The following PKHD1L1 variants were observed in gnomAD, a reference collection of about 807,000 sequenced individuals.
PKHD1L1 encodes PKHD1 like 1, also known as fibrocystin-L.
Under a neutral mutation model 462.9 loss-of-function variants are expected in PKHD1L1, and 434 were observed. The ratio of observed to expected loss-of-function variants is 0.94; its 90% CI spans 0.87 to 1.02. The LOEUF (loss-of-function observed/expected upper bound fraction) is 1.02, where lower values mean the gene tolerates loss of function less well. Among genes scored for constraint, PKHD1L1 ranks in the 50% least tolerant of loss-of-function variants. The pLI is 0.00. For missense variants in PKHD1L1, 5,202 were observed against 5,096.1 expected, an observed-to-expected ratio of 1.02 and a Z score of -0.63; for synonymous variants, 1,781 against 1,750.0, an observed-to-expected ratio of 1.02 and a Z score of -0.44.
chr8:109,415,863 G>GT (rs1431673390), intron 21 of PKHD1L1, among the ~76,000 whole-genome samples: 27 of 64,052 alleles, frequency 4.2e-4, no homozygotes, highest in African/African-American at 1.2e-3. Context: ...AAAAAAAAAG[G>GT]GGTGTGTGTG....
intron 53 of PKHD1L1, 150 bp from the exon 54 acceptor site, chr8:109,479,401 T>G: frequency 1.7e-6 from 1 of 594,384 alleles, no homozygotes; most frequent in East Asian, 2.8e-5. Context: ...TAGCACCATG[T>G]GTCAAGGGTC....
intron 11 of PKHD1L1, 35 bp from the exon 12 acceptor site, chr8:109,398,424 C>A: frequency 7.9e-7 from 1 of 1,268,638 alleles, no homozygotes; most frequent in South Asian, 1.3e-5. Flanking sequence ...TCTGAAGTTT[C>A]AGTAGTAACG....
intron 23 of PKHD1L1, among the ~76,000 whole-genome samples, chr8:109,421,825 C>T (rs1244181937): frequency 6.6e-6 from 1 of 152,102 alleles, no homozygotes; most frequent in African/African-American, 2.4e-5. Context: ...GCTCTGTATT[C>T]TCAAAGCATC....
At chr8:109,443,502 G>T (rs1254400808) in intron 36 of PKHD1L1, among the ~76,000 whole-genome samples, 174 bp from the exon 37 acceptor site, 1 of 152,116 alleles carries the variant, frequency 6.6e-6, no homozygotes, top group African/African-American at 2.4e-5. Context: ...TGACATCTTT[G>T]ATCAGGTCTT....
Position 109,396,081 on chromosome 8 carries a change from C to T in PKHD1L1, c.866C>T (p.Thr289Ile), listed in dbSNP as rs772518504. 1.9e-5 allele frequency: 30 copies of T among 1,609,442 alleles called. No homozygotes were observed. The highest frequency in any genetic ancestry group is 5.0e-5 in the Admixed American group (3 of 59,602). ...QGSIRGGTTLTISGRFFDQTD... is the reference protein window; with the variant it reads ...QGSIRGGTTLIISGRFFDQTD... ...AGCATTCGAGGTGGCACCACGCTGA[C>T]AATAAGTGGGCGTTTCTTTGATCAG... Residue 289 changes from threonine to isoleucine, a missense_variant, in exon 11 of 78, where the codon ACA becomes ATA. Physicochemically the swap from Thr to Ile is moderately conservative, Grantham distance 89. Around this residue, in one of 3 missense-constraint regions of PKHD1L1, gnomAD observed 4,497 missense variants for 4,336.8 expected, o/e 1.04. Transcript: ENST00000378402.
In PKHD1L1 at chr8:109,365,995, A is replaced by C. The variant is rs867842816; in HGVS notation, c.163+1359A>C. On this transcript the variant is annotated intron_variant, in intron 2 of 77. Transcript: ENST00000378402. ...CTCAAAGAAGAAGAAGAAAAAAAGA[A>C]AACACCCAGCCATTTTCTTCTGTTT... Among the ~76,000 whole-genome samples the C allele has an allele frequency of 2.6e-5, 4 of 152,240 alleles. No individual in the cohort carries two copies. The South Asian group carries it at 8.3e-4, about 32-fold the overall frequency.
rs766668460 is a variant in PKHD1L1, at chr8:109,497,196, G to A, written c.10523G>A (p.Gly3508Glu). Residue 3508 changes from glycine to glutamate, a missense_variant, in exon 65 of 78, where the codon GGA becomes GAA. This residue lies in a region of PKHD1L1 where 4,497 missense variants were observed against 4,336.8 expected (regional missense o/e 1.04). Coordinates refer to ENST00000378402, the MANE Select transcript of PKHD1L1 (RefSeq NM_177531.6). ...HIYNVTLVDN[G>E]MAIFPMIYMP... Reference sequence around the variant, plus strand: ...TATAATGTGACCCTGGTTGACAATGGAATGGCCATTTTTCCAATGATTTAC... The same window carrying A: ...TATAATGTGACCCTGGTTGACAATGAAATGGCCATTTTTCCAATGATTTAC... 10 of 1,613,678 alleles carry A rather than the reference G, an allele frequency of 6.2e-6. No individual in the cohort carries two copies. In the South Asian group the frequency reaches 9.9e-5, roughly 16 times the overall value.
chr8:109,491,994 G>T lies in PKHD1L1; in HGVS notation c.10236G>T (p.Glu3412Asp). The T allele has an allele frequency of 6.6e-7, 1 of 1,515,294 alleles. No individual in the cohort carries two copies. Among genetic ancestry groups the T allele is most frequent in the East Asian group, 2.4e-5 (1 of 41,226 alleles). 93.9% of individuals were successfully genotyped at this position (1,515,294 alleles called of 1,614,324 possible). The change falls in exon 62 of 78, where the codon GAG (glutamate) becomes GAT (aspartate). Residue 3412 changes from glutamate (E) to aspartate (D), a missense_variant and splice_region_variant. Glu to Asp is a conservative substitution (Grantham distance 45). Transcript: ENST00000378402. ...LSSTLWHAAIEINRGTNTVLQ... is the reference protein window; with the variant it reads ...LSSTLWHAAIDINRGTNTVLQ... ...CAACTCTCTGGCATGCAGCAATTGA[G>T]GTAGTGAAAACAAACTTATAATTAT...
At chr8:109,378,434 A>C (rs1043939268) in intron 2 of PKHD1L1, among the ~76,000 whole-genome samples, 33 of 152,060 alleles carry the variant, frequency 2.2e-4, no homozygotes, top group African/African-American at 7.0e-4. Context: ...CTTCAACCAC[A>C]CTTGCTATTA....
In PKHD1L1 at chr8:109,401,553, A is replaced by C. The variant is rs1813275773; in HGVS notation, c.1338A>C (p.Gln446His). ...ACAGTTATTTTTCCAGTCCAACACA[A>C]AGATCAGATGATATTCATCTGCAGA... ...NANSYFSSPT[Q>H]RSDDIHLQKG... is the part of the protein sequence containing the mutation. Residue 446 changes from glutamine to histidine, a missense_variant, in exon 14 of 78, where the codon CAA (glutamine) becomes CAC (histidine). This residue lies in a region of PKHD1L1 where 4,497 missense variants were observed against 4,336.8 expected (regional missense o/e 1.04). Transcript: ENST00000378402. 1 of 1,591,552 alleles carries C rather than the reference A, an allele frequency of 6.3e-7. No homozygotes were observed. The highest frequency in any genetic ancestry group is 8.6e-7 in the Non-Finnish European group (1 of 1,161,256).
intron 28 of PKHD1L1, 33 bp downstream of exon 28, chr8:109,433,249 G>T (rs776237569): frequency 6.8e-7 from 1 of 1,476,362 alleles, no homozygotes; most frequent in Non-Finnish European, 9.4e-7. Flanking sequence ...AAGTCTAATT[G>T]TTCTTCTCTA....
chr8:109,403,578 T>C (rs1048994931), intron 14 of PKHD1L1, among the ~76,000 whole-genome samples: 2 of 152,170 alleles, frequency 1.3e-5, no homozygotes, highest in Non-Finnish European at 2.9e-5. Context: ...GGTTCTTCTT[T>C]GAATTCTGCT....
At chr8:109,501,791 G>C (rs1292903422) in intron 67 of PKHD1L1, among the ~76,000 whole-genome samples, 1 of 152,082 alleles carries the variant, frequency 6.6e-6, no homozygotes, top group African/African-American at 2.4e-5. Context: ...CTGCCCATTT[G>C]GTTTTTCAGG....
At position 109,464,792 on chromosome 8, in the gene PKHD1L1, T is replaced by A; in HGVS notation, c.7960T>A (p.Trp2654Arg). ...TGCAATATTTAACTCACTTACTACT[T>A]GGAATTGTCAAAAAGGAGCTGAATG... ...APAIFNSLTT[W>R]NCQKGAEWVN... Residue 2654 changes from tryptophan to arginine, a missense_variant, in exon 49 of 78, where the codon TGG (tryptophan) becomes AGG (arginine). By Grantham distance (101) the Trp-to-Arg change is moderately radical. This residue lies in a region of PKHD1L1 where 4,497 missense variants were observed against 4,336.8 expected (regional missense o/e 1.04). Coordinates refer to ENST00000378402, the MANE Select transcript of PKHD1L1 (RefSeq NM_177531.6). 1.2e-6 allele frequency: 2 copies of A among 1,613,746 alleles called. No individual in the cohort carries two copies. The highest frequency in any genetic ancestry group is 1.7e-6 in the Non-Finnish European group (2 of 1,179,776).
chr8:109,528,033 T>G (rs1335484323), intron 77 of PKHD1L1, among the ~76,000 whole-genome samples: 1 of 152,080 alleles, frequency 6.6e-6, no homozygotes, highest in Admixed American at 6.6e-5. Context: ...AAGGTGCTAG[T>G]ACGAGGAATG....
intron 50 of PKHD1L1, among the ~76,000 whole-genome samples, chr8:109,473,362 A>G (rs982102130): frequency 9.9e-5 from 15 of 151,890 alleles, no homozygotes; most frequent in African/African-American, 3.1e-4. Flanking sequence ...AAACTACCAG[A>G]AAAATTAGCC....
chr8:109,424,389 A>T (rs1814630071), intron 23 of PKHD1L1, among the ~76,000 whole-genome samples: 1 of 152,202 alleles, frequency 6.6e-6, no homozygotes, highest in Admixed American at 6.5e-5. Context: ...TATTATGAAT[A>T]TAGCTGCTAG....
intron 6 of PKHD1L1, among the ~76,000 whole-genome samples, chr8:109,386,261 C>G (rs1295989334): frequency 6.6e-6 from 1 of 152,168 alleles, no homozygotes; most frequent in Non-Finnish European, 1.5e-5. Flanking sequence ...GAGTTTCCTC[C>G]TGTAGCATAG....
chr8:109,491,543 T>G (rs1818826602), intron 61 of PKHD1L1, among the ~76,000 whole-genome samples: 1 of 151,892 alleles, frequency 6.6e-6, no homozygotes, highest in Non-Finnish European at 1.5e-5. Flanking sequence ...CATATTATAT[T>G]TATTTTTGTC....
Sources: allele counts gnomAD v4.1 joint callset (sites outside exome capture counted in the v4.1 genomes callset), GRCh38; gene constraint gnomAD v4.1.1; regional missense constraint gnomAD v4.1.1; transcripts MANE v1.5; gene names NCBI Gene and HGNC (gene_info 2026-07-23, HGNC 2026-07-21).